The following FOXO3 variants were observed in gnomAD, a reference collection of about 807,000 sequenced individuals.
The protein encoded by FOXO3 is forkhead box O3.
FOXO3 carries 4 observed loss-of-function variants against 41.9 expected under a neutral mutation model. That is an observed-to-expected ratio of 0.10 (90% CI 0.05 to 0.22). FOXO3 has a LOEUF of 0.22. Ranked by LOEUF, FOXO3 falls within the 10% of genes least tolerant of loss-of-function variation. The probability of loss-of-function intolerance (pLI) is 1.00; values close to 1 mark genes in which losing one functional copy is unlikely to be tolerated. For missense variants in FOXO3, 534 were observed against 906.8 expected, an observed-to-expected ratio of 0.59 and a Z score of 5.28; for synonymous variants, 318 against 389.3, an observed-to-expected ratio of 0.82 and a Z score of 2.16.
intron 1 of FOXO3, among the ~76,000 whole-genome samples, chr6:108,596,716 A>T (rs1297935643): frequency 6.6e-6 from 1 of 152,168 alleles, no homozygotes; most frequent in Non-Finnish European, 1.5e-5. Flanking sequence ...TTAAAAAGTG[A>T]TCTGTGGTTT....
At chr6:108,666,492 C>T (rs561061164) in intron 2 of FOXO3, among the ~76,000 whole-genome samples, 1 of 151,552 alleles carries the variant, frequency 6.6e-6, no homozygotes, top group Non-Finnish European at 1.5e-5. Flanking sequence ...CCCGCCACCA[C>T]GCCTGGCTAA....
chr6:108,676,699 A>G (rs1770607116), intron 2 of FOXO3, among the ~76,000 whole-genome samples: 1 of 152,258 alleles, frequency 6.6e-6, no homozygotes, highest in African/African-American at 2.4e-5. Context: ...CAAGCTAAGT[A>G]TCATTGACTT....
chr6:108,657,972 T>C (rs1417117233), intron 1 of FOXO3, among the ~76,000 whole-genome samples: 1 of 152,218 alleles, frequency 6.6e-6, no homozygotes, highest in East Asian at 1.9e-4. Context: ...TCCCAGGATG[T>C]GAAACCCCCC....
chr6:108,609,578 A>G (rs1777300812), intron 1 of FOXO3, among the ~76,000 whole-genome samples: 1 of 152,234 alleles, frequency 6.6e-6, no homozygotes, highest in Non-Finnish European at 1.5e-5. Context: ...ATTGTTAAGA[A>G]GGGAAGCAGG....
intron 2 of FOXO3, among the ~76,000 whole-genome samples, chr6:108,676,853 T>A (rs1193971931): frequency 6.6e-6 from 1 of 152,218 alleles, no homozygotes; most frequent in Non-Finnish European, 1.5e-5. Flanking sequence ...GCTTTCCTTT[T>A]GATTATTTTT....
In FOXO3 at chr6:108,680,974, C is replaced by G. The variant is rs370244728; in HGVS notation, c.*1182C>G. The G allele has an allele frequency of 4.6e-5, 7 of 151,154 alleles. No individual in the cohort carries two copies. The highest frequency in any genetic ancestry group is 7.4e-5 in the Non-Finnish European group (5 of 67,780). 9.4% of individuals were successfully genotyped at this position (151,154 alleles called of 1,614,324 possible). A position where few individuals can be genotyped will look rare whatever the true frequency, so the allele number is the denominator to read the frequency against. On this transcript the variant is annotated 3_prime_UTR_variant, in exon 3 of 3. Coordinates refer to ENST00000406360, the MANE Select transcript of FOXO3 (RefSeq NM_001455.4). ...TGTATGAGTGAGAGGCAATAGCATA[C>G]AAACTGATTTTTTAAATATAAGCTT...
intron 1 of FOXO3, among the ~76,000 whole-genome samples, chr6:108,648,814 G>A (rs1046193014): frequency 6.6e-6 from 1 of 151,648 alleles, no homozygotes; most frequent in Non-Finnish European, 1.5e-5. Flanking sequence ...GGAAAACATA[G>A]TGAGACCCCA....
intron 1 of FOXO3, among the ~76,000 whole-genome samples, chr6:108,635,456 G>A (rs1778096310): frequency 6.6e-6 from 1 of 152,104 alleles, no homozygotes; most frequent in African/African-American, 2.4e-5. Context: ...AGCAAATACG[G>A]CACAATACTA....
At position 108,656,112 on chromosome 6, in the gene FOXO3, T is replaced by TCCCAC. The variant is rs752488160; in HGVS notation, c.622-7326_622-7322dup. On this transcript the variant is annotated intron_variant, in intron 1 of 2. Coordinates refer to ENST00000406360, the MANE Select transcript of FOXO3 (RefSeq NM_001455.4). ...ATTTTGCTGCTCCAGACAGTCCTCCTCCCACCCCACCCCACCCCACCTCAA... is the reference window on the plus strand; with the variant it reads ...ATTTTGCTGCTCCAGACAGTCCTCCTCCCACCCCACCCCACCCCACCCCACCTCAA... Among the ~76,000 whole-genome samples, 21 of 125,854 alleles carry TCCCAC rather than the reference T, an allele frequency of 1.7e-4. 1 individual carries two copies. The South Asian group carries it at 5.1e-3, about 31-fold the overall frequency. The allele number at this position is 125,854 out of a possible 152,430, so 82.6% of individuals were successfully genotyped here.
chr6:108,561,155 C>T lies in FOXO3; in HGVS notation c.-54C>T. On this transcript the variant is annotated 5_prime_UTR_variant, in exon 1 of 3. Coordinates refer to ENST00000406360, the MANE Select transcript of FOXO3 (RefSeq NM_001455.4). ...CGTCCCTCCCCCGCTGCACCCCGCC[C>T]CGGCGCGAGAGGAGAGCGCGAGAGC... is the stretch of plus-strand genomic sequence containing the variant. The T allele has an allele frequency of 5.3e-6, 8 of 1,498,320 alleles. No individual in the cohort carries two copies. The highest frequency in any genetic ancestry group is 6.2e-6 in the Non-Finnish European group (7 of 1,128,670). The allele number at this position is 1,498,320 out of a possible 1,614,324, so 92.8% of individuals were successfully genotyped here.
chr6:108,584,454 T>C (rs193014585), intron 1 of FOXO3, among the ~76,000 whole-genome samples: 42 of 152,322 alleles, frequency 2.8e-4, no homozygotes, highest in Middle Eastern at 6.8e-3. Flanking sequence ...AAACAGACCC[T>C]GCATGATGGA....
chr6:108,560,690 A>G (rs1775748838), upstream of FOXO3, among the ~76,000 whole-genome samples: 1 of 151,464 alleles, frequency 6.6e-6, no homozygotes, highest in Non-Finnish European at 1.5e-5. Flanking sequence ...AACATAAACA[A>G]ACGCACGCAC....
At chr6:108,649,178 CA>C (rs1393953174) in intron 1 of FOXO3, among the ~76,000 whole-genome samples, 2 of 152,200 alleles carry the variant, frequency 1.3e-5, no homozygotes, top group East Asian at 3.9e-4. Context: ...CCGAATCCCA[CA>C]GGGGTGACAT....
intron 1 of FOXO3, 89 bp downstream of exon 1, chr6:108,561,918 G>A (rs1775806097): frequency 3.4e-6 from 5 of 1,462,192 alleles, no homozygotes; most frequent in African/African-American, 1.5e-5. Context: ...GTGCGCTTGC[G>A]GGCTCCAGGG....
At chr6:108,566,653 A>G (rs762757977) in intron 1 of FOXO3, among the ~76,000 whole-genome samples, 2 of 152,132 alleles carry the variant, frequency 1.3e-5, no homozygotes, top group Non-Finnish European at 2.9e-5. Flanking sequence ...CAGATTCCAG[A>G]TTCCCAGGGC....
chr6:108,574,923 T>C (rs1776220586), intron 1 of FOXO3, among the ~76,000 whole-genome samples: 2 of 152,172 alleles, frequency 1.3e-5, no homozygotes. Context: ...ACTGAAACTC[T>C]GTGATAAACG....
chr6:108,669,584 T>C (rs1012104380), intron 2 of FOXO3, among the ~76,000 whole-genome samples: 1 of 152,328 alleles, frequency 6.6e-6, no homozygotes, highest in East Asian at 1.9e-4. Context: ...ATCTTTATTC[T>C]TACCTTTTAA....
chr6:108,639,941 C>T (rs1778213920), intron 1 of FOXO3, among the ~76,000 whole-genome samples: 1 of 152,188 alleles, frequency 6.6e-6, no homozygotes. Context: ...ATTTTACAGT[C>T]TCCTTGGAGG....
intron 1 of FOXO3, among the ~76,000 whole-genome samples, chr6:108,564,687 T>C (rs1775907386): frequency 6.6e-6 from 1 of 152,200 alleles, no homozygotes. Flanking sequence ...TCAGCCCTGG[T>C]TGCATGTTTG....
Sources: allele counts gnomAD v4.1 joint callset (sites outside exome capture counted in the v4.1 genomes callset), GRCh38; gene constraint gnomAD v4.1.1; transcripts MANE v1.5; gene names NCBI Gene and HGNC (gene_info 2026-07-23, HGNC 2026-07-21).